Variants in PPP1R16B observed in about 807,000 individuals in gnomAD.
PPP1R16B encodes protein phosphatase 1 regulatory inhibitor subunit 16B.
PPP1R16B carries 14 observed loss-of-function variants against 61.7 expected under a neutral mutation model. That is an observed-to-expected ratio of 0.23 (90% confidence interval 0.15 to 0.35). PPP1R16B has a LOEUF of 0.35. Ranked by LOEUF, PPP1R16B falls within the 10% of genes least tolerant of loss-of-function variation. The pLI, the probability that PPP1R16B is intolerant of heterozygous loss-of-function variation, is 1.00. For missense variants in PPP1R16B, 547 were observed against 752.5 expected, an observed-to-expected ratio of 0.73 and a Z score of 3.19; for synonymous variants, 266 against 305.3, an observed-to-expected ratio of 0.87 and a Z score of 1.34.
chr20:38,859,805 G>A (rs2085035064), intron 2 of PPP1R16B, among the ~76,000 whole-genome samples: 1 of 151,996 alleles, frequency 6.6e-6, no homozygotes, highest in Middle Eastern at 3.4e-3. Flanking sequence ...ATTCTTAAAT[G>A]CACTAGTAGC....
chr20:38,895,632 A>G lies in PPP1R16B; in HGVS notation c.389A>G (p.Lys130Arg), dbSNP rs1354037204. 6.2e-7 allele frequency: 1 copy of G among 1,614,006 alleles called. No individual in the cohort carries two copies. The highest frequency in any genetic ancestry group is 1.1e-5 in the South Asian group (1 of 91,068). The change falls in exon 4 of 11, where the codon AAG becomes AGG. Residue 130 changes from lysine (K) to arginine (R), a missense_variant. Coordinates refer to ENST00000299824, the MANE Select transcript of PPP1R16B (RefSeq NM_015568.4). Reference sequence around the variant, plus strand: ...TCCCATGGTGCCAATGTGAACGCCAAGGACAACGAGCTGTGGACACCTCTC... The same window carrying G: ...TCCCATGGTGCCAATGTGAACGCCAGGGACAACGAGCTGTGGACACCTCTC... ...LLSHGANVNA[K>R]DNELWTPLHA... is the part of the protein sequence containing the mutation.
At position 38,868,986 on chromosome 20, in the gene PPP1R16B, C is replaced by G. The variant is rs533543142; in HGVS notation, c.251-20609C>G. ...CATATGTGGCCTATGTTATATTTCT[C>G]TAGGACACTGCCATCAGTCCAAAAA... On this transcript the variant is annotated intron_variant, in intron 2 of 10. Transcript: ENST00000299824. 1.6e-4 allele frequency among the ~76,000 whole-genome samples: 25 copies of G among 152,136 alleles called. No individual in the cohort carries two copies. The South Asian group carries it at 1.9e-3, about 11-fold the overall frequency.
At chr20:38,836,645 C>T (rs1269995110) in intron 2 of PPP1R16B, among the ~76,000 whole-genome samples, 2 of 152,184 alleles carry the variant, frequency 1.3e-5, no homozygotes, top group East Asian at 3.8e-4. Flanking sequence ...AGGCAAGAGC[C>T]GCAGCGCCAG....
chr20:38,895,415 T>G, intron 3 of PPP1R16B, 150 bp from the exon 4 acceptor site: 1 of 919,706 alleles, frequency 1.1e-6, no homozygotes, highest in Middle Eastern at 2.5e-4. Context: ...TCAAGGGCAA[T>G]GCTTACAGTG....
rs1191487900 is a variant in PPP1R16B, at chr20:38,869,806, C to T, written c.251-19789C>T. On this transcript the variant is annotated intron_variant, in intron 2 of 10. Coordinates refer to ENST00000299824, the MANE Select transcript of PPP1R16B (RefSeq NM_015568.4). ...AAGGGGAAGATAGGATTCCTTAAGG[C>T]AAAAGTGGCAGTTCATTAACCCCCT... 2.0e-5 allele frequency among the ~76,000 whole-genome samples: 3 copies of T among 152,142 alleles called. No homozygotes were observed. In the East Asian group the frequency reaches 5.8e-4, roughly 29 times the overall value.
chr20:38,836,186 CTG>C lies in PPP1R16B; in HGVS notation c.250+14_250+15del, dbSNP rs2084870773. 1 of 1,603,818 alleles carries C rather than the reference CTG, an allele frequency of 6.2e-7. No individual in the cohort carries two copies. The highest frequency in any genetic ancestry group is 8.5e-7 in the Non-Finnish European group (1 of 1,175,970). ...ACGACGCCGAGGAAGGTAGGCCCCT[CTG>C]TGCCTTGGCGGCCACGCAGCTGCCT... On this transcript the variant is annotated intron_variant, in intron 2 of 10. Coordinates refer to ENST00000299824, the MANE Select transcript of PPP1R16B (RefSeq NM_015568.4).
chr20:38,816,113 C>T (rs1229671626), intron 1 of PPP1R16B, among the ~76,000 whole-genome samples: 2 of 151,868 alleles, frequency 1.3e-5, no homozygotes, highest in Admixed American at 6.6e-5. Flanking sequence ...GGAGCTTATC[C>T]TTAGTGGGGG....
At chr20:38,810,170 C>G (rs1243547616) in intron 1 of PPP1R16B, among the ~76,000 whole-genome samples, 1 of 152,162 alleles carries the variant, frequency 6.6e-6, no homozygotes, top group Non-Finnish European at 1.5e-5. Context: ...GGTGGTAGGG[C>G]AGCCCTAGCC....
chr20:38,809,436 C>G (rs1227467424), intron 1 of PPP1R16B, among the ~76,000 whole-genome samples: 1 of 152,160 alleles, frequency 6.6e-6, no homozygotes, highest in Non-Finnish European at 1.5e-5. Flanking sequence ...TGAGGCAGCT[C>G]TCAGAGTTCT....
chr20:38,875,422 T>A (rs2085158808), intron 2 of PPP1R16B, among the ~76,000 whole-genome samples: 1 of 152,214 alleles, frequency 6.6e-6, no homozygotes, highest in African/African-American at 2.4e-5. Flanking sequence ...AAGATGGGTA[T>A]CTGGAAGTCA....
chr20:38,887,544 C>A (rs369500480), intron 2 of PPP1R16B, among the ~76,000 whole-genome samples: 9 of 152,280 alleles, frequency 5.9e-5, no homozygotes, highest in African/African-American at 1.4e-4. Context: ...CAGCACCGTC[C>A]AATAGAACTT....
In PPP1R16B at chr20:38,916,465, G is replaced by A. The variant is rs145464199; in HGVS notation, c.1195-1692G>A. Among the ~76,000 whole-genome samples, 23 of 149,670 alleles carry A rather than the reference G, an allele frequency of 1.5e-4. No individual in the cohort carries two copies. In the East Asian group the frequency reaches 4.1e-3, roughly 27 times the overall value. ...AACTAGATTATATATATATATCTTG[G>A]ACATCTTTCCATGCCAGCTTGTGGA... On this transcript the variant is annotated intron_variant, in intron 10 of 10. Coordinates refer to ENST00000299824, the MANE Select transcript of PPP1R16B (RefSeq NM_015568.4).
In PPP1R16B at chr20:38,822,386, C is replaced by T. The variant is rs141438950; in HGVS notation, c.-101-13439C>T. ...AGTACAGCACTGACTGGGCGCTTCC[C>T]GCAAATAAAAAGCCATTAAAAACAC... On this transcript the variant is annotated intron_variant, in intron 1 of 10. Transcript: ENST00000299824. Among the ~76,000 whole-genome samples the T allele has an allele frequency of 8.5e-5, 13 of 152,050 alleles. No homozygotes were observed. The East Asian group carries it at 1.2e-3, about 14-fold the overall frequency.
intron 2 of PPP1R16B, among the ~76,000 whole-genome samples, chr20:38,852,269 T>C (rs2084974108): frequency 6.6e-6 from 1 of 152,206 alleles, no homozygotes; most frequent in Non-Finnish European, 1.5e-5. Flanking sequence ...ATGTACAACC[T>C]TCTGATTATA....
At chr20:38,847,445 C>T (rs2084942467) in intron 2 of PPP1R16B, among the ~76,000 whole-genome samples, 1 of 152,266 alleles carries the variant, frequency 6.6e-6, no homozygotes, top group Middle Eastern at 3.4e-3. Flanking sequence ...CAACCTCCGC[C>T]TCCTGGATTC....
At chr20:38,877,487 T>C (rs938058920) in intron 2 of PPP1R16B, among the ~76,000 whole-genome samples, 2 of 152,010 alleles carry the variant, frequency 1.3e-5, no homozygotes, top group African/African-American at 4.8e-5. Flanking sequence ...TTTTTTTGTA[T>C]TTTTAGTAGA....
intron 7 of PPP1R16B, 62 bp from the exon 8 acceptor site, chr20:38,906,917 C>A: frequency 6.9e-7 from 1 of 1,449,232 alleles, no homozygotes; most frequent in Non-Finnish European, 9.7e-7. Flanking sequence ...GGCACTCTCT[C>A]CACCTCCTAG....
intron 7 of PPP1R16B, among the ~76,000 whole-genome samples, chr20:38,906,311 TGAGATGGAG>T (rs2085443161): frequency 6.8e-6 from 1 of 147,724 alleles, no homozygotes. Context: ...TTTTTTTTTT[TGAGATGGAG>T]TCTTGATCTG....
intron 3 of PPP1R16B, among the ~76,000 whole-genome samples, chr20:38,893,575 AG>A (rs886254087): frequency 1.6e-5 from 2 of 125,242 alleles, no homozygotes; most frequent in Non-Finnish European, 3.6e-5. Flanking sequence ...GAAGGGAGGA[AG>A]TGGGAGGAGG....
Sources: allele counts gnomAD v4.1 joint callset (sites outside exome capture counted in the v4.1 genomes callset), GRCh38; gene constraint gnomAD v4.1.1; transcripts MANE v1.5; gene names NCBI Gene and HGNC (gene_info 2026-07-23, HGNC 2026-07-21).